Variants in INO80 observed in about 807,000 individuals in gnomAD.
The protein encoded by INO80 is chromatin-remodeling ATPase INO80.
A neutral mutation model predicts 203.4 loss-of-function variants in INO80; 20 were observed. That is an observed-to-expected ratio of 0.10 (90% CI 0.07 to 0.14). INO80 has a LOEUF of 0.14. Among genes scored for constraint, INO80 ranks in the 10% least tolerant of loss-of-function variants. The probability of loss-of-function intolerance (pLI) is 1.00; values close to 1 mark genes in which losing one functional copy is unlikely to be tolerated. For missense variants in INO80, 1,419 were observed against 1,914.4 expected, an observed-to-expected ratio of 0.74 and a Z score of 4.83; for synonymous variants, 726 against 685.2, an observed-to-expected ratio of 1.06 and a Z score of -0.93.
chr15:41,080,265 C>G (rs572864825), intron 8 of INO80, among the ~76,000 whole-genome samples: 1 of 152,166 alleles, frequency 6.6e-6, no homozygotes, highest in Non-Finnish European at 1.5e-5. Flanking sequence ...AACCAATTTA[C>G]TCTTCACAAA....
Position 41,085,427 on chromosome 15 carries a change from T to C in INO80, c.815A>G (p.Gln272Arg). ...TACTTTCCTGCGACGAGCATTCAGC[T>C]GCTCAATGGATAAGTGCTTTTTCTT... ...GTKKKHLSIE[Q>R]LNARRRKVWL... The change falls in exon 7 of 36, where the codon CAG (glutamine) becomes CGG (arginine). Residue 272 changes from glutamine (Q) to arginine (R), a missense_variant. This residue lies in a region of INO80 where 323 missense variants were observed against 325.4 expected (regional missense o/e 0.99). Transcript: ENST00000648947. 1.2e-6 allele frequency: 2 copies of C among 1,614,220 alleles called. No homozygotes were observed. Among genetic ancestry groups the C allele is most frequent in the Non-Finnish European group, 1.7e-6 (2 of 1,180,046 alleles).
intron 12 of INO80, among the ~76,000 whole-genome samples, chr15:41,071,180 G>A (rs996611687): frequency 6.6e-6 from 1 of 152,100 alleles, no homozygotes; most frequent in Non-Finnish European, 1.5e-5. Flanking sequence ...AAAAGAAAGA[G>A]AAACAGAGAC....
At chr15:41,106,759 T>C (rs903714304) in intron 1 of INO80, among the ~76,000 whole-genome samples, 5 of 152,236 alleles carry the variant, frequency 3.3e-5, no homozygotes, top group Admixed American at 2.0e-4. Flanking sequence ...TATCTATAAA[T>C]ATTTCTACAT....
chr15:41,102,238 T>C (rs141475709), intron 1 of INO80, among the ~76,000 whole-genome samples: 145 of 152,328 alleles, frequency 9.5e-4, no homozygotes, highest in Non-Finnish European at 1.9e-3. Flanking sequence ...TATGGGTTCA[T>C]GCCCATGCAT....
In INO80 at chr15:40,980,242, T is replaced by C; in HGVS notation, c.4652A>G (p.Asn1551Ser). 2 of 1,612,728 alleles carry C rather than the reference T, an allele frequency of 1.2e-6. No homozygotes were observed. The highest frequency in any genetic ancestry group is 1.7e-6 in the Non-Finnish European group (2 of 1,179,972). Residue 1551 changes from asparagine (N) to serine (S), a missense_variant, in exon 36 of 36, where the codon AAC (asparagine) becomes AGC (serine). Physicochemically the swap from Asn to Ser is conservative, Grantham distance 46 (BLOSUM62 1). Transcript: ENST00000648947. ...SLVRKQGKGT[N>S]PSGGR ...AGATGGTTACCGTCCTCCAGAGGGG[T>C]TGGTGCCTTTGCCCTGTTTCCGGAC...
chr15:41,072,495 C>T (rs528871756), intron 11 of INO80, among the ~76,000 whole-genome samples: 18 of 151,470 alleles, frequency 1.2e-4, no homozygotes, highest in East Asian at 1.9e-4. Flanking sequence ...CCAAGGCGGG[C>T]GGATCACGAG....
intron 27 of INO80, chr15:41,011,801 C>T (rs1332311340): frequency 6.6e-6 from 1 of 152,162 alleles, no homozygotes; most frequent in East Asian, 1.9e-4. Flanking sequence ...GATAAATCTT[C>T]CCCCAGTGAG....
chr15:41,023,888 AT>A (rs2044336924), intron 25 of INO80, among the ~76,000 whole-genome samples: 1 of 148,630 alleles, frequency 6.7e-6, no homozygotes, highest in Non-Finnish European at 1.5e-5. Context: ...ATTTTTATTT[AT>A]TTATTTATTT....
intron 6 of INO80, among the ~76,000 whole-genome samples, chr15:41,087,290 G>T (rs2045577181): frequency 6.6e-6 from 1 of 152,122 alleles, no homozygotes; most frequent in South Asian, 2.1e-4. Context: ...GTATACGAGA[G>T]GATGTGCACA....
chr15:40,999,534 C>G (rs905007925), intron 28 of INO80: 2 of 152,226 alleles, frequency 1.3e-5, no homozygotes, highest in East Asian at 3.8e-4. Flanking sequence ...GGGTGGCGGT[C>G]TCTCAGTTAG....
intron 24 of INO80, among the ~76,000 whole-genome samples, chr15:41,031,548 AGGG>A (rs1230484726): frequency 0.023 from 10 of 444 alleles, no homozygotes; most frequent in East Asian, 0.12. Flanking sequence ...GGAAGGGAGG[AGGG>A]AGGAAGGGAG....
At chr15:40,990,980 T>C (rs1013161577) in intron 29 of INO80, among the ~76,000 whole-genome samples, 3 of 152,208 alleles carry the variant, frequency 2.0e-5, no homozygotes, top group Non-Finnish European at 4.4e-5. Context: ...AGCTTGAGGC[T>C]ATGGTTCAGC....
intron 29 of INO80, among the ~76,000 whole-genome samples, chr15:40,993,773 T>C (rs956610025): frequency 1.2e-3 from 7 of 5,828 alleles, no homozygotes; most frequent in African/African-American, 2.7e-3. Context: ...AATAAATAAA[T>C]AAATAAAAAG....
At chr15:41,085,246 C>T in intron 7 of INO80, 123 bp downstream of exon 7, 1 of 838,064 alleles carries the variant, frequency 1.2e-6, no homozygotes, top group Admixed American at 2.3e-5. Flanking sequence ...TTCTTGATTC[C>T]AACAGATTAG....
chr15:41,081,845 G>A (rs191446214), intron 7 of INO80, among the ~76,000 whole-genome samples: 15 of 152,080 alleles, frequency 9.9e-5, no homozygotes, highest in African/African-American at 1.9e-4. Flanking sequence ...ATGTTTGCAC[G>A]TAAGACAGCA....
At position 41,091,991 on chromosome 15, in the gene INO80, A is replaced by C. The variant is rs770638140; in HGVS notation, c.537+36T>G. 1.9e-6 allele frequency: 3 copies of C among 1,554,554 alleles called. No individual in the cohort carries two copies. In the South Asian group the frequency reaches 3.4e-5, roughly 18 times the overall value. On this transcript the variant is annotated intron_variant, in intron 5 of 35. Coordinates refer to ENST00000648947, the MANE Select transcript of INO80 (RefSeq NM_017553.3). ...TTAATGACTATAAAGCAGAGGGTGA[A>C]TATTCAGTTTGAAGTGTTTCTCCTG...
chr15:41,061,450 C>CAA (rs980593225), intron 14 of INO80, among the ~76,000 whole-genome samples: 8,236 of 66,878 alleles, frequency 0.12, 404 homozygotes, highest in Middle Eastern at 0.15. Context: ...ACCAAAAATA[C>CAA]AAAAAAAAAA....
At chr15:41,079,512 G>T (rs946739312) in intron 9 of INO80, among the ~76,000 whole-genome samples, 189 bp downstream of exon 9, 2 of 149,466 alleles carry the variant, frequency 1.3e-5, no homozygotes, top group East Asian at 3.9e-4. Flanking sequence ...AAGGCAGGCG[G>T]ATCACTCGAA....
intron 9 of INO80, among the ~76,000 whole-genome samples, chr15:41,079,101 C>T (rs1281138813): frequency 3.9e-5 from 6 of 152,156 alleles, no homozygotes; most frequent in African/African-American, 1.4e-4. Flanking sequence ...TACGCCACTG[C>T]ACTCCAGCCT....
Sources: gnomAD v4.1 joint callset for allele counts (sites outside exome capture counted in the v4.1 genomes callset) on GRCh38, gnomAD v4.1.1 for gene constraint, gnomAD v4.1.1 regional missense constraint, MANE v1.5 for transcripts, NCBI Gene and HGNC (gene_info 2026-07-23, HGNC 2026-07-21) for gene names.